PDE11A: variants seen among roughly 807,000 people sequenced by gnomAD.
The protein encoded by PDE11A is phosphodiesterase 11A, also known as dual 3',5'-cyclic-AMP and -GMP phosphodiesterase 11A.
In PDE11A, 100 loss-of-function variants were observed where a neutral mutation model predicts 100.5. The ratio of observed to expected loss-of-function variants is 1.00; its 90% CI spans 0.85 to 1.18. PDE11A has a LOEUF of 1.18. PDE11A is among the 50% of genes most tolerant of loss of function. The probability of loss-of-function intolerance (pLI) is 0.00; values close to 1 mark genes in which losing one functional copy is unlikely to be tolerated. For missense variants in PDE11A, 1,141 were observed against 1,152.6 expected (o/e 0.99, Z 0.15); for synonymous variants, 381 against 420.8 (o/e 0.91, Z 1.16).
intron 1 of PDE11A, among the ~76,000 whole-genome samples, chr2:178,036,063 A>G (rs2086609461): frequency 6.6e-6 from 1 of 152,240 alleles, no homozygotes; most frequent in Admixed American, 6.5e-5. Flanking sequence ...GTATTCAAAT[A>G]GAAAGAGAGG....
At chr2:177,722,880 C>T (rs954600868) in intron 12 of PDE11A, among the ~76,000 whole-genome samples, 14 of 151,902 alleles carry the variant, frequency 9.2e-5, no homozygotes, top group African/African-American at 3.1e-4. Flanking sequence ...TAAGGAAATA[C>T]AATGTAAAAA....
chr2:177,838,691 G>A (rs1216869968), intron 6 of PDE11A, among the ~76,000 whole-genome samples: 3 of 152,184 alleles, frequency 2.0e-5, no homozygotes, highest in African/African-American at 4.8e-5. Flanking sequence ...GCCTACAGGG[G>A]AGAAGAGACT....
intron 2 of PDE11A, among the ~76,000 whole-genome samples, chr2:177,929,589 T>C (rs888836024): frequency 1.3e-5 from 2 of 152,250 alleles, no homozygotes; most frequent in African/African-American, 2.4e-5. Context: ...TTCTGTGGTC[T>C]ACCTTCCCTT....
At chr2:177,729,138 C>T (rs966387010) in intron 10 of PDE11A, among the ~76,000 whole-genome samples, 1 of 152,168 alleles carries the variant, frequency 6.6e-6, no homozygotes, top group African/African-American at 2.4e-5. Flanking sequence ...TCTGGCTGCT[C>T]TAAGCATTCC....
At chr2:178,031,536 A>C (rs1031277804) in intron 1 of PDE11A, among the ~76,000 whole-genome samples, 1 of 152,148 alleles carries the variant, frequency 6.6e-6, no homozygotes, top group African/African-American at 2.4e-5. Flanking sequence ...TAAAAATATA[A>C]TTTTTTAAAT....
intron 5 of PDE11A, among the ~76,000 whole-genome samples, chr2:177,868,951 A>G (rs1252589299): frequency 6.6e-6 from 1 of 152,240 alleles, no homozygotes; most frequent in Non-Finnish European, 1.5e-5. Flanking sequence ...AACAGCTAAC[A>G]TCACTTTGAA....
intron 2 of PDE11A, among the ~76,000 whole-genome samples, chr2:177,907,157 T>A (rs917599057): frequency 6.6e-6 from 1 of 151,922 alleles, no homozygotes; most frequent in Non-Finnish European, 1.5e-5. Flanking sequence ...TTAAAAAGAA[T>A]CTGAATTTTA....
At chr2:177,940,330 G>A (rs898446256) in intron 2 of PDE11A, among the ~76,000 whole-genome samples, 45 of 151,944 alleles carry the variant, frequency 3.0e-4, no homozygotes, top group African/African-American at 9.9e-4. Flanking sequence ...ATTTGTTGTT[G>A]GGTTATGTTT....
At chr2:177,968,194 A>G (rs1337387616) in intron 2 of PDE11A, among the ~76,000 whole-genome samples, 1 of 152,250 alleles carries the variant, frequency 6.6e-6, no homozygotes, top group Non-Finnish European at 1.5e-5. Flanking sequence ...AACAAAAAAC[A>G]GAGACTGTAT....
chr2:177,775,580 T>C (rs527702315), intron 9 of PDE11A, among the ~76,000 whole-genome samples: 1 of 152,340 alleles, frequency 6.6e-6, no homozygotes, highest in Non-Finnish European at 1.5e-5. Flanking sequence ...ATCTGACTGT[T>C]GGCACGTTCT....
intron 19 of PDE11A, among the ~76,000 whole-genome samples, chr2:177,652,108 C>A (rs1396656232): frequency 6.6e-6 from 1 of 152,178 alleles, no homozygotes; most frequent in African/African-American, 2.4e-5. Context: ...GTGGGGTCTC[C>A]CAGTGGCTGA....
rs762050221 is a variant in PDE11A at position 177,628,818 on chromosome 2, G to A, written c.*589C>T. The A allele has an allele frequency of 1.9e-5, 3 of 155,458 alleles. No homozygotes were observed. The highest frequency in any genetic ancestry group is 6.3e-5 in the Admixed American group (1 of 15,982). 9.6% of individuals were successfully genotyped at this position (155,458 alleles called of 1,614,324 possible). A position where few individuals can be genotyped will look rare whatever the true frequency, so the allele number is the denominator to read the frequency against. The stretch of plus-strand genomic sequence containing the variant: ...CCTACTATGTATTCATTTTTAGGGG[G>A]AGAACTGGGATTGATCAGTATTTAT... On this transcript the variant is annotated 3_prime_UTR_variant, in exon 20 of 20. Transcript: ENST00000286063.
intron 5 of PDE11A, among the ~76,000 whole-genome samples, chr2:177,854,090 A>G (rs2083785561): frequency 6.6e-6 from 1 of 151,866 alleles, no homozygotes; most frequent in Non-Finnish European, 1.5e-5. Context: ...TAAGGTTTCT[A>G]AATTGCCATA....
At chr2:177,660,031 T>TTTTCTTTCTTTCTTTC (rs1173068300) in intron 19 of PDE11A, among the ~76,000 whole-genome samples, 12 of 125,542 alleles carry the variant, frequency 9.6e-5, no homozygotes, top group African/African-American at 2.4e-4. Flanking sequence ...GTTACAATCA[T>TTTTCTTTCTTTCTTTC]TTTCTTTCTT....
chr2:178,067,826 T>TTA (rs1234361459), intron 1 of PDE11A, among the ~76,000 whole-genome samples: 1 of 152,176 alleles, frequency 6.6e-6, no homozygotes, highest in Non-Finnish European at 1.5e-5. Context: ...TTTCTGTGCA[T>TTA]GTTTGTTGGA....
At chr2:177,717,355 C>T (rs2081454900) in intron 12 of PDE11A, among the ~76,000 whole-genome samples, 1 of 151,430 alleles carries the variant, frequency 6.6e-6, no homozygotes, top group African/African-American at 2.4e-5. Flanking sequence ...CCTGCACGTA[C>T]TGATATTGAG....
At chr2:177,929,753 C>A (rs980823884) in intron 2 of PDE11A, among the ~76,000 whole-genome samples, 7 of 152,158 alleles carry the variant, frequency 4.6e-5, no homozygotes, top group African/African-American at 1.7e-4. Context: ...GCTTTCCCCC[C>A]AAGTCTCACA....
chr2:178,087,379 A>T (rs1179634672), intron 2 of PDE11A, among the ~76,000 whole-genome samples: 2 of 152,110 alleles, frequency 1.3e-5, no homozygotes, highest in Non-Finnish European at 2.9e-5. Context: ...AAAATGTCGT[A>T]TATATACACA....
chr2:178,104,823 A>G (rs2087599777), intron 1 of PDE11A, among the ~76,000 whole-genome samples: 1 of 152,222 alleles, frequency 6.6e-6, no homozygotes, highest in Admixed American at 6.5e-5. Context: ...ATTTCTAAAA[A>G]GTGCATGTGC....
Sources: allele counts gnomAD v4.1 joint callset (sites outside exome capture counted in the v4.1 genomes callset), GRCh38; gene constraint gnomAD v4.1.1; transcripts MANE v1.5; gene names NCBI Gene and HGNC (gene_info 2026-07-23, HGNC 2026-07-21).